The following FAM193A variants were observed in gnomAD, a reference collection of about 807,000 sequenced individuals.
The protein encoded by FAM193A is protein FAM193A.
FAM193A carries 22 observed loss-of-function variants against 126.5 expected under a neutral mutation model. That is an observed-to-expected ratio of 0.17 (90% CI 0.12 to 0.25). The LOEUF (loss-of-function observed/expected upper bound fraction) is 0.25. FAM193A is among the 10% of genes least tolerant of loss of function. FAM193A has a pLI of 1.00. For missense variants in FAM193A, 1,675 were observed against 1,672.8 expected (o/e 1.00, Z -0.02); for synonymous variants, 761 against 646.8 (o/e 1.18, Z -2.68).
rs974740876 is a variant in FAM193A, at chr4:2,571,466, AG to A, written c.256-24617del. ...TTTGGAAGTGAATGGCTTCTGAGGTAGAAGTCCTATTTTATTTAAAGATGTC... is the reference window on the plus strand; with the variant it reads ...TTTGGAAGTGAATGGCTTCTGAGGTAAAGTCCTATTTTATTTAAAGATGTC... On this transcript the variant is annotated intron_variant, in intron 1 of 20. Coordinates refer to ENST00000637812, the MANE Select transcript of FAM193A (RefSeq NM_001366318.2). Among the ~76,000 whole-genome samples the A allele has an allele frequency of 3.9e-5, 6 of 152,084 alleles. No homozygotes were observed. In the South Asian group the frequency reaches 1.0e-3, roughly 26 times the overall value.
At chr4:2,605,961 ACT>A (rs1347854818) in intron 2 of FAM193A, among the ~76,000 whole-genome samples, 49 of 66,738 alleles carry the variant, frequency 7.3e-4, no homozygotes, top group African/African-American at 2.5e-3. Context: ...ACAGAGTGAG[ACT>A]CTGTCTCAAA....
At chr4:2,630,814 G>A (rs768253896) in intron 4 of FAM193A, 121 bp from the exon 5 acceptor site, 2 of 608,536 alleles carry the variant, frequency 3.3e-6, no homozygotes, top group Non-Finnish European at 5.9e-6. Flanking sequence ...TATGAGGAAG[G>A]TGACTGTGTG....
At chr4:2,561,497 C>CT (rs34320054) in intron 1 of FAM193A, among the ~76,000 whole-genome samples, 32,611 of 117,550 alleles carry the variant, frequency 0.28, 4,853 homozygotes, top group Middle Eastern at 0.34. Context: ...GTAGAGATTT[C>CT]TTTTTTTTTT....
chr4:2,615,901 G>C (rs984548781), intron 2 of FAM193A, among the ~76,000 whole-genome samples: 3 of 151,714 alleles, frequency 2.0e-5, no homozygotes, highest in African/African-American at 4.8e-5. Flanking sequence ...ACCTCTGCCC[G>C]CTCTGGTTCA....
At chr4:2,674,711 A>G (rs578137041) in intron 13 of FAM193A, among the ~76,000 whole-genome samples, 33 of 151,562 alleles carry the variant, frequency 2.2e-4, no homozygotes, top group African/African-American at 7.8e-4. Flanking sequence ...TGAAAAATTT[A>G]TTTTCTGGCT....
At chr4:2,545,076 TCTGCCTCCTGGGTTCAAGTGATTCTC>T (rs1737464944) in intron 1 of FAM193A, among the ~76,000 whole-genome samples, 1 of 151,986 alleles carries the variant, frequency 6.6e-6, no homozygotes, top group African/African-American at 2.4e-5. Flanking sequence ...CACTGCAACC[TCTGCCTCCTGGGTTCAAGTGATTCTC>T]CTGCCTCAGC....
At chr4:2,615,848 G>A (rs1302059390) in intron 2 of FAM193A, among the ~76,000 whole-genome samples, 2 of 151,596 alleles carry the variant, frequency 1.3e-5, no homozygotes, top group African/African-American at 2.4e-5. Flanking sequence ...GTCTCAGTCT[G>A]TGCCCAGGCT....
intron 20 of FAM193A, among the ~76,000 whole-genome samples, chr4:2,730,620 G>T (rs1193193025): frequency 6.6e-6 from 1 of 151,864 alleles, no homozygotes; most frequent in Non-Finnish European, 1.5e-5. Flanking sequence ...AACCTGGGAG[G>T]CGAAGGTTGC....
chr4:2,671,893 CTG>C (rs901296446), intron 12 of FAM193A, among the ~76,000 whole-genome samples: 22 of 152,336 alleles, frequency 1.4e-4, no homozygotes, highest in African/African-American at 4.1e-4. Flanking sequence ...CTACCTGAGT[CTG>C]TCTGTGGAAT....
At chr4:2,644,875 G>A (rs1744975962) in intron 6 of FAM193A, among the ~76,000 whole-genome samples, 1 of 152,058 alleles carries the variant, frequency 6.6e-6, no homozygotes, top group Admixed American at 6.6e-5. Flanking sequence ...TGAAAATATA[G>A]AAAATCGTAA....
intron 4 of FAM193A, among the ~76,000 whole-genome samples, chr4:2,628,899 G>A (rs1743257057): frequency 6.6e-6 from 1 of 151,190 alleles, no homozygotes; most frequent in Admixed American, 6.6e-5. Flanking sequence ...GTCACCCAGG[G>A]TGGAGTGCAG....
intron 1 of FAM193A, among the ~76,000 whole-genome samples, chr4:2,544,889 C>T (rs1484018546): frequency 1.3e-5 from 2 of 152,114 alleles, no homozygotes; most frequent in Non-Finnish European, 2.9e-5. Context: ...ACAAAAAAGA[C>T]TATAGATAGA....
At chr4:2,626,784 C>A (rs1360299992) in intron 4 of FAM193A, among the ~76,000 whole-genome samples, 1 of 152,172 alleles carries the variant, frequency 6.6e-6, no homozygotes, top group Admixed American at 6.5e-5. Context: ...TTTGATGAAA[C>A]GCTATTGCCT....
At chr4:2,565,362 C>G (rs1738879775) in intron 1 of FAM193A, among the ~76,000 whole-genome samples, 1 of 144,846 alleles carries the variant, frequency 6.9e-6, no homozygotes. Flanking sequence ...CAGGTTCAAG[C>G]AATTCTCCTG....
At chr4:2,577,100 T>G (rs891341654) in intron 1 of FAM193A, among the ~76,000 whole-genome samples, 2 of 152,250 alleles carry the variant, frequency 1.3e-5, no homozygotes, top group African/African-American at 4.8e-5. Context: ...TGAACTTTTT[T>G]GAGAGTATTA....
At chr4:2,678,360 G>GTT (rs201173761) in intron 13 of FAM193A, among the ~76,000 whole-genome samples, 1,515 of 120,084 alleles carry the variant, frequency 0.013, 50 homozygotes, top group African/African-American at 0.043. Context: ...GGTTTTGGTG[G>GTT]TTTTTTTTTT....
intron 5 of FAM193A, 118 bp from the exon 6 acceptor site, chr4:2,639,617 A>C: frequency 1.6e-6 from 1 of 635,600 alleles, no homozygotes. Flanking sequence ...GGGCCTGTGA[A>C]GAGGGATGTG....
At chr4:2,609,143 CG>C (rs370357166) in intron 2 of FAM193A, among the ~76,000 whole-genome samples, 38 of 152,156 alleles carry the variant, frequency 2.5e-4, no homozygotes, top group African/African-American at 9.2e-4. Context: ...CCACCCGCCT[CG>C]GCCTTCCAAA....
chr4:2,581,072 T>C (rs1739898058), intron 1 of FAM193A, among the ~76,000 whole-genome samples: 1 of 151,202 alleles, frequency 6.6e-6, no homozygotes, highest in Non-Finnish European at 1.5e-5. Flanking sequence ...GAGGTTGCAG[T>C]GAGCTGAGAT....
Sources: gnomAD v4.1 joint callset for allele counts (sites outside exome capture counted in the v4.1 genomes callset) on GRCh38, gnomAD v4.1.1 for gene constraint, MANE v1.5 for transcripts, NCBI Gene and HGNC (gene_info 2026-07-23, HGNC 2026-07-21) for gene names.